Variants in CHSY3 observed in about 807,000 individuals in gnomAD.
The protein encoded by CHSY3 is N-acetylgalactosaminyl-proteoglycan 3-beta-glucuronosyltransferase 3.
Under a neutral mutation model 67.2 loss-of-function variants are expected in CHSY3, and 35 were observed. The observed-to-expected ratio is 0.52, with a 90% CI of 0.40 to 0.69. The LOEUF (loss-of-function observed/expected upper bound fraction) is 0.69. Among genes scored for constraint, CHSY3 ranks in the 30% least tolerant of loss-of-function variants. The pLI is 0.00. For missense variants in CHSY3, 1,069 were observed against 1,138.5 expected (o/e 0.94, Z 0.88); for synonymous variants, 474 against 434.7 (o/e 1.09, Z -1.12).
chr5:130,060,200 C>G (rs1765667524), intron 2 of CHSY3, among the ~76,000 whole-genome samples: 1 of 152,098 alleles, frequency 6.6e-6, no homozygotes, highest in Non-Finnish European at 1.5e-5. Context: ...AAAAGCACAT[C>G]AAAAAGATAA....
At chr5:129,940,954 C>T (rs1449645794) in intron 2 of CHSY3, among the ~76,000 whole-genome samples, 2 of 152,080 alleles carry the variant, frequency 1.3e-5, no homozygotes, top group African/African-American at 4.8e-5. Context: ...CACGGTGGCT[C>T]ATGCCTATTA....
At chr5:130,135,822 C>T (rs1489826572) in intron 2 of CHSY3, among the ~76,000 whole-genome samples, 2 of 152,190 alleles carry the variant, frequency 1.3e-5, no homozygotes. Flanking sequence ...GCTACCCTCA[C>T]TAATCTTCAG....
chr5:129,909,212 T>G (rs1247270672), intron 2 of CHSY3, among the ~76,000 whole-genome samples: 1 of 152,164 alleles, frequency 6.6e-6, no homozygotes, highest in African/African-American at 2.4e-5. Flanking sequence ...AAAAATTTAT[T>G]TAACATTAAA....
chr5:129,905,146 C>T lies in CHSY3; in HGVS notation c.317C>T (p.Pro106Leu), dbSNP rs1760207433. Residue 106 changes from proline (P) to leucine (L), a missense_variant, in exon 1 of 3, where the codon CCA (proline) becomes CTA (leucine). Physicochemically the swap from Pro to Leu is moderately conservative, Grantham distance 98. This residue lies in a region of CHSY3 where 309 missense variants were observed against 262.5 expected (regional missense o/e 1.18). Transcript: ENST00000305031. ...TSFRSSPWQQ[P>L]PPLQQRRRGR... ...TTTCGAAGCAGCCCCTGGCAGCAGC[C>T]ACCTCCGCTGCAGCAGCGGCGGCGA... The T allele has an allele frequency of 6.5e-7, 1 of 1,531,302 alleles. No individual in the cohort carries two copies. Among genetic ancestry groups the T allele is most frequent in the Admixed American group, 2.0e-5 (1 of 51,026 alleles). 94.9% of individuals were successfully genotyped at this position (1,531,302 alleles called of 1,614,324 possible).
intron 2 of CHSY3, among the ~76,000 whole-genome samples, chr5:130,111,673 A>G (rs1580743067): frequency 6.6e-6 from 1 of 152,096 alleles, no homozygotes. Flanking sequence ...GCCTACATCA[A>G]ATAAATCAAA....
chr5:129,911,334 C>T (rs1462247045), intron 2 of CHSY3, among the ~76,000 whole-genome samples: 7 of 152,022 alleles, frequency 4.6e-5, no homozygotes, highest in African/African-American at 7.2e-5. Context: ...AAGGTAATAG[C>T]GGGATATGAA....
At chr5:130,160,879 T>TTTTA (rs1249583766) in intron 2 of CHSY3, among the ~76,000 whole-genome samples, 54 of 146,830 alleles carry the variant, frequency 3.7e-4, no homozygotes, top group African/African-American at 1.1e-3. Flanking sequence ...TACTGATCAT[T>TTTTA]TTTATTTATT....
chr5:129,987,648 T>C (rs1763244294), intron 2 of CHSY3, among the ~76,000 whole-genome samples: 1 of 152,188 alleles, frequency 6.6e-6, no homozygotes, highest in Non-Finnish European at 1.5e-5. Context: ...TTTAGTTCCC[T>C]TCAAAACAAG....
At chr5:130,057,218 C>T (rs1765564243) in intron 2 of CHSY3, among the ~76,000 whole-genome samples, 1 of 151,866 alleles carries the variant, frequency 6.6e-6, no homozygotes. Flanking sequence ...GCCACCGCAC[C>T]CAGCCATATT....
chr5:130,140,525 A>G (rs1014388554), intron 2 of CHSY3: 7 of 734,484 alleles, frequency 9.5e-6, no homozygotes, highest in African/African-American at 1.8e-5. Context: ...GTTAGTCTCA[A>G]TGTACTTAGA....
rs1213315314 is a variant in CHSY3 at position 130,161,640 on chromosome 5, A to G, written c.1087-22589A>G. Among the ~76,000 whole-genome samples the G allele has an allele frequency of 1.3e-4, 20 of 152,224 alleles. 1 individual carries two copies. The highest frequency in any genetic ancestry group is 1.3e-3 in the Admixed American group (20 of 15,280). On this transcript the variant is annotated intron_variant, in intron 2 of 2. Transcript: ENST00000305031. ...TGTTAGCATAGCTATTTTACAAGGT[A>G]TATCAGTCAGTCCTACAACCATTAT...
intron 2 of CHSY3, among the ~76,000 whole-genome samples, chr5:130,169,133 C>T (rs897353494): frequency 7.9e-5 from 12 of 151,962 alleles, no homozygotes; most frequent in African/African-American, 2.9e-4. Flanking sequence ...TTTTTTTTGT[C>T]AATTAGATTT....
chr5:130,016,630 G>A (rs187020443), intron 2 of CHSY3, among the ~76,000 whole-genome samples: 130 of 152,256 alleles, frequency 8.5e-4, no homozygotes, highest in Non-Finnish European at 7.9e-4. Context: ...GGCTGGTCTC[G>A]AACTCCTGAC....
chr5:130,139,348 T>C (rs1768780574), intron 2 of CHSY3, among the ~76,000 whole-genome samples: 1 of 152,164 alleles, frequency 6.6e-6, no homozygotes, highest in Non-Finnish European at 1.5e-5. Flanking sequence ...CAGGTGATTA[T>C]TTTTCCCATC....
intron 2 of CHSY3, among the ~76,000 whole-genome samples, chr5:130,144,611 A>T (rs1769015238): frequency 6.6e-6 from 1 of 152,200 alleles, no homozygotes; most frequent in Non-Finnish European, 1.5e-5. Context: ...TATAATTCTT[A>T]TCAAAATACC....
chr5:129,966,349 T>C (rs1399213760), intron 2 of CHSY3, among the ~76,000 whole-genome samples: 1 of 151,782 alleles, frequency 6.6e-6, no homozygotes, highest in Non-Finnish European at 1.5e-5. Flanking sequence ...AGGTAGTGCA[T>C]TGTGTAAAAT....
chr5:130,088,069 A>C (rs962977299), intron 2 of CHSY3, among the ~76,000 whole-genome samples: 52 of 151,978 alleles, frequency 3.4e-4, no homozygotes, highest in Admixed American at 8.5e-4. Flanking sequence ...TGCCGCATAT[A>C]TACAACTATC....
intron 2 of CHSY3, among the ~76,000 whole-genome samples, chr5:129,915,247 A>G (rs1760695476): frequency 6.6e-6 from 1 of 152,168 alleles, no homozygotes; most frequent in African/African-American, 2.4e-5. Flanking sequence ...ATGAGTCATT[A>G]TCTGATATTA....
chr5:129,980,874 A>G (rs1218691984), intron 2 of CHSY3, among the ~76,000 whole-genome samples: 1 of 152,112 alleles, frequency 6.6e-6, no homozygotes, highest in Non-Finnish European at 1.5e-5. Context: ...TGAAAAAACC[A>G]TAAAACCATG....
Sources: gnomAD v4.1 joint callset for allele counts (sites outside exome capture counted in the v4.1 genomes callset) on GRCh38, gnomAD v4.1.1 for gene constraint, gnomAD v4.1.1 regional missense constraint, MANE v1.5 for transcripts, NCBI Gene and HGNC (gene_info 2026-07-23, HGNC 2026-07-21) for gene names.